CLEC2A: variants seen among roughly 807,000 people sequenced by gnomAD.
CLEC2A encodes the protein C-type lectin domain family 2 member A.
A neutral mutation model predicts 18.6 loss-of-function variants in CLEC2A; 19 were observed. The ratio of observed to expected loss-of-function variants is 1.02; its 90% CI spans 0.71 to 1.50. The LOEUF (loss-of-function observed/expected upper bound fraction) is 1.50, where lower values mean the gene tolerates loss of function less well. Ranked by LOEUF, CLEC2A falls within the 40% of genes most tolerant of loss-of-function variation. CLEC2A has a pLI of 0.00. For synonymous variants in CLEC2A, 74 were observed against 64.0 expected, an observed-to-expected ratio of 1.16 and a Z score of -0.75; for missense variants, 190 against 207.9, an observed-to-expected ratio of 0.91 and a Z score of 0.53.
At chr12:9,912,408 C>CT (rs1207476714), downstream of CLEC2A, among the ~76,000 whole-genome samples, 3 of 152,116 alleles carry the variant, frequency 2.0e-5, no homozygotes, top group Non-Finnish European at 4.4e-5. Flanking sequence ...TCCCCTGACC[C>CT]TTAGAGTGAC....
chr12:9,913,697 T>A lies in CLEC2A; in HGVS notation c.411-17A>T. 6.7e-7 allele frequency: 1 copy of A among 1,486,966 alleles called. No individual in the cohort carries two copies. The highest frequency in any genetic ancestry group is 9.1e-7 in the Non-Finnish European group (1 of 1,101,716). 92.1% of individuals were successfully genotyped at this position (1,486,966 alleles called of 1,614,324 possible). ...ATTTCAAACCTGAAAAAGAACACTC[T>A]AAATCAGTCTGGGAACCACTTACGG... On this transcript the variant is annotated splice_polypyrimidine_tract_variant and intron_variant, in intron 4 of 4. Transcript: ENST00000455827.
At chr12:9,930,070 CAAG>C (rs1435481034) in intron 1 of CLEC2A, among the ~76,000 whole-genome samples, 8 of 152,086 alleles carry the variant, frequency 5.3e-5, no homozygotes, top group Non-Finnish European at 7.3e-5. Flanking sequence ...GTTCTGGAGA[CAAG>C]AAGTCTGAAA....
the CLEC2A span, among the ~76,000 whole-genome samples, chr12:9,889,646 A>ATATG: frequency 7.1e-6 from 1 of 140,610 alleles, no homozygotes; most frequent in Non-Finnish European, 1.5e-5. Flanking sequence ...GTGTATATAT[A>ATATG]TGTGTGTGTG....
At chr12:9,929,594 G>C (rs747431275) in intron 1 of CLEC2A, among the ~76,000 whole-genome samples, 1 of 152,002 alleles carries the variant, frequency 6.6e-6, no homozygotes, top group African/African-American at 2.4e-5. Flanking sequence ...TGATATCTAA[G>C]CATTCCTAAC....
downstream of CLEC2A, among the ~76,000 whole-genome samples, chr12:9,896,072 A>T (rs1862752392): frequency 6.6e-6 from 1 of 152,222 alleles, no homozygotes. Context: ...TAAATAAAAA[A>T]TTAGTAATTA....
At chr12:9,909,464 C>T (rs1275534253), downstream of CLEC2A, among the ~76,000 whole-genome samples, 1 of 152,194 alleles carries the variant, frequency 6.6e-6, no homozygotes, top group Non-Finnish European at 1.5e-5. Context: ...ATTAACTCAG[C>T]CCAAGTATAT....
At chr12:9,896,465 A>G (rs1862756847), downstream of CLEC2A, among the ~76,000 whole-genome samples, 4 of 152,298 alleles carry the variant, frequency 2.6e-5, no homozygotes, top group Admixed American at 6.5e-5. Flanking sequence ...ACAAAAAAAA[A>G]AAGCAAATCC....
At chr12:9,882,506 G>A in the CLEC2A span, among the ~76,000 whole-genome samples, 2 of 152,114 alleles carry the variant, frequency 1.3e-5, no homozygotes, top group African/African-American at 2.4e-5. Context: ...GACCAGGCAC[G>A]GTGGCTCATG....
At chr12:9,883,313 A>G in the CLEC2A span, among the ~76,000 whole-genome samples, 2 of 152,210 alleles carry the variant, frequency 1.3e-5, no homozygotes. Flanking sequence ...TTGCAATAGT[A>G]GCACCAGCAG....
rs1863386009 is a variant in CLEC2A, at chr12:9,932,172, TTAG to T, written c.55+100_55+102del. 3 of 838,388 alleles carry T rather than the reference TTAG, an allele frequency of 3.6e-6. No homozygotes were observed. The East Asian group carries it at 8.1e-5, about 23-fold the overall frequency. 51.9% of individuals were successfully genotyped at this position (838,388 alleles called of 1,614,324 possible). ...AGTGCTTCCCCATCCCTCACTTACTTTAGTAGACTTTCACAGTAAGTAAAGAGT... is the reference window on the plus strand; with the variant it reads ...AGTGCTTCCCCATCCCTCACTTACTTTAGACTTTCACAGTAAGTAAAGAGT... On this transcript the variant is annotated intron_variant, in intron 1 of 4. Transcript: ENST00000455827.
At chr12:9,909,314 C>T (rs1252969549), downstream of CLEC2A, among the ~76,000 whole-genome samples, 1 of 152,158 alleles carries the variant, frequency 6.6e-6, no homozygotes, top group African/African-American at 2.4e-5. Context: ...GTTATTGTCC[C>T]ACCAGGGATC....
At chr12:9,888,584 G>T in the CLEC2A span, 2 of 476,330 alleles carry the variant, frequency 4.2e-6, no homozygotes, top group South Asian at 8.9e-5. Flanking sequence ...GTTAAATCTG[G>T]GGAAGAAGAG....
chr12:9,895,847 CAT>C, downstream of CLEC2A: 3 of 1,511,742 alleles, frequency 2.0e-6, no homozygotes, highest in Middle Eastern at 3.4e-4. Flanking sequence ...TACAACCAAA[CAT>C]AGAAATACTT....
the CLEC2A span, among the ~76,000 whole-genome samples, chr12:9,879,833 T>C: frequency 2.6e-5 from 4 of 152,334 alleles, no homozygotes; most frequent in Middle Eastern, 0.01. Flanking sequence ...AGAAGCATTT[T>C]ATCACAAACA....
At chr12:9,917,544 G>C (rs1863093018) in intron 3 of CLEC2A, among the ~76,000 whole-genome samples, 1 of 152,106 alleles carries the variant, frequency 6.6e-6, no homozygotes, top group Non-Finnish European at 1.5e-5. Flanking sequence ...CTAGATCAAA[G>C]ATAAAAGTAG....
chr12:9,880,761 GTTCTA>G, the CLEC2A span, among the ~76,000 whole-genome samples: 3,809 of 152,188 alleles, frequency 0.025, 160 homozygotes, highest in African/African-American at 0.086. Flanking sequence ...AAGTCTTTTT[GTTCTA>G]TTCAAGGCTC....
intron 4 of CLEC2A, among the ~76,000 whole-genome samples, chr12:9,906,438 C>T (rs1296803040): frequency 6.6e-6 from 1 of 152,178 alleles, no homozygotes; most frequent in East Asian, 1.9e-4. Context: ...ATAGCTATCT[C>T]TTTGGGTAAC....
At chr12:9,879,902 A>G in the CLEC2A span, among the ~76,000 whole-genome samples, 2 of 152,244 alleles carry the variant, frequency 1.3e-5, no homozygotes, top group Non-Finnish European at 2.9e-5. Flanking sequence ...AGTAAACTGC[A>G]TGAGCAGATG....
the CLEC2A span, among the ~76,000 whole-genome samples, chr12:9,885,838 T>C: frequency 6.6e-6 from 1 of 152,056 alleles, no homozygotes. Context: ...TAACATTCAA[T>C]GTTAAACGAC....
Sources: gnomAD v4.1 joint callset for allele counts (sites outside exome capture counted in the v4.1 genomes callset) on GRCh38, gnomAD v4.1.1 for gene constraint, MANE v1.5 for transcripts, NCBI Gene and HGNC (gene_info 2026-07-23, HGNC 2026-07-21) for gene names.